The following EPM2A variants were observed in gnomAD, a reference collection of about 807,000 sequenced individuals.
EPM2A encodes the protein EPM2A glucan phosphatase, laforin, also known as laforin.
EPM2A carries 21 observed loss-of-function variants against 26.5 expected under a neutral mutation model. That is an observed-to-expected ratio of 0.79 (90% CI 0.56 to 1.14). EPM2A has a LOEUF of 1.14. Ranked by LOEUF, EPM2A falls within the 50% of genes most tolerant of loss-of-function variation. The pLI, the probability that EPM2A is intolerant of heterozygous loss-of-function variation, is 0.00. For missense variants in EPM2A, 458 were observed against 440.8 expected (o/e 1.04, Z -0.35); for synonymous variants, 217 against 177.6 (o/e 1.22, Z -1.76).
intron 1 of EPM2A, among the ~76,000 whole-genome samples, chr6:145,690,306 C>A (rs533389453): frequency 6.6e-6 from 1 of 151,732 alleles, no homozygotes; most frequent in Non-Finnish European, 1.5e-5. Flanking sequence ...GTCAGGAGAT[C>A]GAGACCATCC....
rs188175286 is a variant in EPM2A, at chr6:145,467,327, A to G, written c.555+35195T>C. On this transcript the variant is annotated intron_variant, in intron 4 of 4. Transcript: ENST00000638717. ...TCAAAAAGTTGTCCCACTACTATTT[A>G]TTAAATAGCCTATTTGTTCCCATTA... Among the ~76,000 whole-genome samples the G allele has an allele frequency of 1.8e-3, 271 of 152,270 alleles. 1 individual carries two copies. Among genetic ancestry groups the G allele is most frequent in the African/African-American group, 6.2e-3 (258 of 41,566 alleles).
Position 145,625,385 on chromosome 6 carries a change from C to T in EPM2A, c.*2031G>A, listed in dbSNP as rs1374075185. 8 of 266,092 alleles carry T rather than the reference C, an allele frequency of 3.0e-5. No individual in the cohort carries two copies. The East Asian group carries it at 4.4e-4, about 15-fold the overall frequency. 16.5% of individuals were successfully genotyped at this position (266,092 alleles called of 1,614,324 possible). On this transcript the variant is annotated 3_prime_UTR_variant, in exon 4 of 4. Transcript: ENST00000367519. ...ACATCCCATTCATTGAGGAAAAAGA[C>T]AGTTTATTCCAAAACATTCTTTAAT... is the stretch of plus-strand genomic sequence containing the variant.
At position 145,674,967 on chromosome 6, in the gene EPM2A, A is replaced by G. The variant is rs147202893; in HGVS notation, c.476+11155T>C. 5.0e-3 allele frequency among the ~76,000 whole-genome samples: 767 copies of G among 152,234 alleles called. 4 individuals carry two copies. Among genetic ancestry groups the G allele is most frequent in the African/African-American group, 0.018 (747 of 41,544 alleles). On this transcript the variant is annotated intron_variant, in intron 2 of 3. Coordinates refer to ENST00000367519, the MANE Select transcript of EPM2A (RefSeq NM_005670.4). Reference sequence around the variant, plus strand: ...AAGATACTCCTCAAGAAGAGCAACCACAAGACACATAATTGTCAGATTCAC... The same window carrying G: ...AAGATACTCCTCAAGAAGAGCAACCGCAAGACACATAATTGTCAGATTCAC...
intron 2 of EPM2A, among the ~76,000 whole-genome samples, chr6:145,554,435 G>GAT (rs1562380347): frequency 7.0e-6 from 1 of 143,830 alleles, no homozygotes; most frequent in African/African-American, 2.9e-5. Flanking sequence ...TAGATAGATA[G>GAT]ATAGATAGAT....
At chr6:145,432,220 C>A (rs1778931562) in intron 4 of EPM2A, among the ~76,000 whole-genome samples, 1 of 152,172 alleles carries the variant, frequency 6.6e-6, no homozygotes, top group Admixed American at 6.5e-5. Context: ...ATATTTTGAC[C>A]TCCAATGAAT....
chr6:145,459,084 G>A (rs1779296958), intron 4 of EPM2A, among the ~76,000 whole-genome samples: 1 of 152,034 alleles, frequency 6.6e-6, no homozygotes, highest in Admixed American at 6.6e-5. Context: ...TTATTAAAAT[G>A]GTAAAGAAGG....
intron 4 of EPM2A, among the ~76,000 whole-genome samples, chr6:145,393,720 T>G (rs935647364): frequency 3.9e-5 from 6 of 152,138 alleles, no homozygotes; most frequent in Non-Finnish European, 8.8e-5. Flanking sequence ...GGCTGACCAG[T>G]GACTGTTCCT....
intron 4 of EPM2A, among the ~76,000 whole-genome samples, chr6:145,403,799 C>T (rs962836911): frequency 3.9e-5 from 6 of 152,100 alleles, no homozygotes; most frequent in Admixed American, 3.9e-4. Flanking sequence ...ATTGCTGGAT[C>T]ATGTGGTAGC....
intron 1 of EPM2A, among the ~76,000 whole-genome samples, chr6:145,692,941 T>G (rs1184035830): frequency 6.6e-6 from 1 of 152,088 alleles, no homozygotes; most frequent in Non-Finnish European, 1.5e-5. Flanking sequence ...TTTTTCTAAT[T>G]CTGTGAAGAA....
intron 4 of EPM2A, among the ~76,000 whole-genome samples, chr6:145,489,249 T>C (rs868716417): frequency 6.6e-6 from 1 of 152,198 alleles, no homozygotes; most frequent in African/African-American, 2.4e-5. Flanking sequence ...TTAGAATACA[T>C]AAACTTGTAT....
At chr6:145,588,392 C>A (rs1473563911) in intron 2 of EPM2A, among the ~76,000 whole-genome samples, 1 of 152,152 alleles carries the variant, frequency 6.6e-6, no homozygotes, top group Non-Finnish European at 1.5e-5. Flanking sequence ...TGAAATTCTT[C>A]ATTTGGAACA....
chr6:145,494,341 A>G (rs1779791605), intron 4 of EPM2A, among the ~76,000 whole-genome samples: 1 of 151,738 alleles, frequency 6.6e-6, no homozygotes, highest in African/African-American at 2.4e-5. Context: ...CCCCTTTATC[A>G]TTTCTGATTG....
chr6:145,540,519 G>A (rs1277661128), intron 2 of EPM2A, among the ~76,000 whole-genome samples: 1 of 151,932 alleles, frequency 6.6e-6, no homozygotes, highest in Non-Finnish European at 1.5e-5. Flanking sequence ...ATGACACCAG[G>A]GATTCTCATA....
At chr6:145,484,902 T>C (rs1172909527) in intron 4 of EPM2A, among the ~76,000 whole-genome samples, 1 of 151,398 alleles carries the variant, frequency 6.6e-6, no homozygotes, top group Non-Finnish European at 1.5e-5. Context: ...ATTACTTAAA[T>C]ATATGGCATA....
At chr6:145,650,661 T>C (rs899436392) in intron 2 of EPM2A, among the ~76,000 whole-genome samples, 3 of 152,174 alleles carry the variant, frequency 2.0e-5, no homozygotes, top group Non-Finnish European at 2.9e-5. Context: ...GGTATTATTA[T>C]CCTAATTTTA....
intron 1 of EPM2A, among the ~76,000 whole-genome samples, chr6:145,711,789 TA>T (rs1297171965): frequency 6.6e-6 from 1 of 152,164 alleles, no homozygotes; most frequent in Non-Finnish European, 1.5e-5. Flanking sequence ...TCAGGGACTT[TA>T]AAATGCATTT....
intron 2 of EPM2A, among the ~76,000 whole-genome samples, chr6:145,674,956 G>T (rs1320135571): frequency 3.9e-5 from 6 of 152,120 alleles, no homozygotes; most frequent in African/African-American, 1.4e-4. Flanking sequence ...TACTCCTCAA[G>T]AAGAGCAACC....
chr6:145,397,700 T>A (rs997271729), intron 4 of EPM2A, among the ~76,000 whole-genome samples: 4 of 152,196 alleles, frequency 2.6e-5, no homozygotes, highest in Middle Eastern at 3.2e-3. Context: ...AGACTCCATT[T>A]AGCCCCATTG....
chr6:145,622,099 T>C (rs753148160), downstream of EPM2A, among the ~76,000 whole-genome samples: 14 of 152,172 alleles, frequency 9.2e-5, no homozygotes, highest in Non-Finnish European at 1.6e-4. Context: ...TCTTAACCTA[T>C]TTTGGAGTGA....
Sources: gnomAD v4.1 joint callset for allele counts (sites outside exome capture counted in the v4.1 genomes callset) on GRCh38, gnomAD v4.1.1 for gene constraint, MANE v1.5 for transcripts, NCBI Gene and HGNC (gene_info 2026-07-23, HGNC 2026-07-21) for gene names.